The following ABCB1 variants were observed in gnomAD, a reference collection of about 807,000 sequenced individuals.
ABCB1 encodes the protein ATP binding cassette subfamily B member 1, also known as ATP-dependent translocase ABCB1.
Under a neutral mutation model 142.0 loss-of-function variants are expected in ABCB1, and 69 were observed. The ratio of observed to expected loss-of-function variants is 0.49; its 90% CI spans 0.40 to 0.59. The LOEUF (loss-of-function observed/expected upper bound fraction) is 0.59. Among genes scored for constraint, ABCB1 ranks in the 20% least tolerant of loss-of-function variants. The pLI, the probability that ABCB1 is intolerant of heterozygous loss-of-function variation, is 0.00. For synonymous variants in ABCB1, 532 were observed against 539.2 expected (o/e 0.99, Z 0.18); for missense variants, 1,326 against 1,554.7 (o/e 0.85, Z 2.47).
intron 1 of ABCB1, chr7:87,700,417 G>A (rs2130692168): frequency 6.3e-7 from 1 of 1,593,752 alleles, no homozygotes; most frequent in Non-Finnish European, 8.5e-7. Context: ...TTTGTCTCCT[G>A]AAGGTCAAGT....
At chr7:87,561,237 T>A (rs201191960) in intron 8 of ABCB1, 26 bp downstream of exon 8, 69 of 1,612,698 alleles carry the variant, frequency 4.3e-5, no homozygotes, top group Non-Finnish European at 5.8e-5. Context: ...TTAACATATC[T>A]ATCCATTTAA....
At chr7:87,571,035 A>G (rs1179580543) in intron 4 of ABCB1, among the ~76,000 whole-genome samples, 1 of 152,226 alleles carries the variant, frequency 6.6e-6, no homozygotes, top group Non-Finnish European at 1.5e-5. Context: ...ATACTTATAC[A>G]CATATGTTAT....
chr7:87,676,481 G>T (rs1355425736), intron 1 of ABCB1, among the ~76,000 whole-genome samples: 2 of 152,116 alleles, frequency 1.3e-5, no homozygotes, highest in Non-Finnish European at 2.9e-5. Flanking sequence ...CAGGTGGATT[G>T]CTTGAGGTCA....
At chr7:87,542,036 AT>A (rs900714594) in intron 17 of ABCB1, among the ~76,000 whole-genome samples, 2 of 152,210 alleles carry the variant, frequency 1.3e-5, no homozygotes, top group Non-Finnish European at 2.9e-5. Flanking sequence ...ATAAGGGCTA[AT>A]AGGATGTTTT....
chr7:87,652,937 A>G (rs989741807), intron 1 of ABCB1, among the ~76,000 whole-genome samples: 1 of 151,956 alleles, frequency 6.6e-6, no homozygotes, highest in East Asian at 1.9e-4. Flanking sequence ...TTTTGAAGTA[A>G]AAGGACATTT....
At chr7:87,557,021 A>G (rs1817340003) in intron 8 of ABCB1, among the ~76,000 whole-genome samples, 1 of 152,128 alleles carries the variant, frequency 6.6e-6, no homozygotes, top group African/African-American at 2.4e-5. Context: ...CTCATCCCTC[A>G]GGTCTCAGCT....
rs149504263 is a variant in ABCB1 at position 87,511,512 on chromosome 7, A to T, written c.3283-2031T>A. On this transcript the variant is annotated intron_variant, in intron 25 of 27. Transcript: ENST00000622132. ...CTGTGAAATAATAATTGATTTTTAA[A>T]AATCAAGCACTGACAACGTTGTAGG... Among the ~76,000 whole-genome samples the T allele has an allele frequency of 2.6e-5, 4 of 152,358 alleles. No individual in the cohort carries two copies. In the East Asian group the frequency reaches 5.8e-4, roughly 22 times the overall value.
chr7:87,578,105 G>A (rs929059745), intron 4 of ABCB1, among the ~76,000 whole-genome samples: 8 of 152,280 alleles, frequency 5.3e-5, no homozygotes, highest in African/African-American at 1.9e-4. Context: ...TATATGGTGA[G>A]AGAAAGGGAT....
intron 1 of ABCB1, among the ~76,000 whole-genome samples, chr7:87,658,868 C>T (rs969437820): frequency 6.6e-6 from 1 of 152,166 alleles, no homozygotes. Context: ...AAAGAACATT[C>T]GTTAAGCAGA....
intron 17 of ABCB1, among the ~76,000 whole-genome samples, chr7:87,542,820 T>C (rs6961419): frequency 0.42 from 64,471 of 151,960 alleles, 13,786 homozygotes; most frequent in African/African-American, 0.45. Context: ...TCCACATTGC[T>C]GTTGTGTACT....
rs755698631 is a variant in ABCB1 at position 87,503,781 on chromosome 7, AC to A, written c.*461del. 134 of 203,952 alleles carry A rather than the reference AC, an allele frequency of 6.6e-4. 1 individual carries two copies. The highest frequency in any genetic ancestry group is 5.0e-5 in the Non-Finnish European group (5 of 99,604). 12.6% of individuals were successfully genotyped at this position (203,952 alleles called of 1,614,324 possible). ...AAATGAGTAGGTATATTTAAAGAAAACTTTTTTAAAGCAGAAGTTATCTACA... is the reference window on the plus strand; with the variant it reads ...AAATGAGTAGGTATATTTAAAGAAAATTTTTTAAAGCAGAAGTTATCTACA... On this transcript the variant is annotated 3_prime_UTR_variant, in exon 28 of 28. Coordinates refer to ENST00000622132, the MANE Select transcript of ABCB1 (RefSeq NM_001348946.2).
intron 1 of ABCB1, among the ~76,000 whole-genome samples, chr7:87,668,517 G>A (rs552606390): frequency 8.6e-5 from 13 of 151,272 alleles, no homozygotes; most frequent in African/African-American, 2.4e-4. Flanking sequence ...CTTGTCTTCC[G>A]CTAGTATTGG....
chr7:87,544,697 C>T (rs539301122), intron 16 of ABCB1, 126 bp downstream of exon 16: 85 of 901,230 alleles, frequency 9.4e-5, no homozygotes, highest in Non-Finnish European at 1.4e-4. Context: ...TGTTGACATT[C>T]TGGGGGATAG....
At chr7:87,634,123 A>G (rs956762495) in intron 1 of ABCB1, among the ~76,000 whole-genome samples, 2 of 152,068 alleles carry the variant, frequency 1.3e-5, no homozygotes, top group African/African-American at 2.4e-5. Flanking sequence ...CTTGAGACCA[A>G]TCCAGCCTTG....
chr7:87,693,502 G>GT (rs1828201654), intron 1 of ABCB1, among the ~76,000 whole-genome samples: 2 of 152,150 alleles, frequency 1.3e-5, no homozygotes, highest in African/African-American at 4.8e-5. Context: ...CAAAGTGAGT[G>GT]ATTTTTTTTC....
intron 1 of ABCB1, among the ~76,000 whole-genome samples, chr7:87,672,269 T>C (rs754852391): frequency 3.3e-5 from 5 of 152,210 alleles, no homozygotes; most frequent in Non-Finnish European, 7.3e-5. Context: ...TAGCCACATT[T>C]TGGTAGAGCA....
chr7:87,686,249 T>C (rs911062739), intron 1 of ABCB1, among the ~76,000 whole-genome samples: 25 of 152,176 alleles, frequency 1.6e-4, no homozygotes, highest in Non-Finnish European at 3.7e-4. Flanking sequence ...GATATGAGAT[T>C]AATAAGGTAT....
chr7:87,574,617 T>C (rs1818199256), intron 4 of ABCB1, among the ~76,000 whole-genome samples: 1 of 152,162 alleles, frequency 6.6e-6, no homozygotes, highest in African/African-American at 2.4e-5. Flanking sequence ...CTAACTATCC[T>C]ATTTTCTTCC....
At chr7:87,654,878 A>G (rs940152605) in intron 1 of ABCB1, among the ~76,000 whole-genome samples, 2 of 152,168 alleles carry the variant, frequency 1.3e-5, no homozygotes, top group African/African-American at 4.8e-5. Flanking sequence ...GATTTAGGCA[A>G]AGAACCTGAA....
Sources: allele counts gnomAD v4.1 joint callset (sites outside exome capture counted in the v4.1 genomes callset), GRCh38; gene constraint gnomAD v4.1.1; transcripts MANE v1.5; gene names NCBI Gene and HGNC (gene_info 2026-07-23, HGNC 2026-07-21).